The following FRRS1L variants were observed in gnomAD, a reference collection of about 807,000 sequenced individuals.
FRRS1L encodes DOMON domain-containing protein FRRS1L.
FRRS1L carries 22 observed loss-of-function variants against 28.6 expected under a neutral mutation model. The observed-to-expected ratio is 0.77, with a 90% CI of 0.55 to 1.10. The LOEUF is 1.10. Ranked by LOEUF, FRRS1L falls within the 50% of genes least tolerant of loss-of-function variation. The pLI is 0.00. For synonymous variants in FRRS1L, 158 were observed against 151.4 expected (o/e 1.04, Z -0.32); for missense variants, 380 against 386.9 (o/e 0.98, Z 0.15).
chr9:109,137,233 G>A lies in FRRS1L; in HGVS notation c.*222C>T, dbSNP rs1319082415. On this transcript the variant is annotated 3_prime_UTR_variant, in exon 5 of 5. Coordinates refer to ENST00000561981, the MANE Select transcript of FRRS1L (RefSeq NM_014334.4). ...GTTAAATAAGAAAACATATGTGAAAGTGCTTAGAAAAGGTGTAAGTATGTT... is the reference window on the plus strand; with the variant it reads ...GTTAAATAAGAAAACATATGTGAAAATGCTTAGAAAAGGTGTAAGTATGTT... The A allele has an allele frequency of 3.4e-6, 1 of 297,570 alleles. No homozygotes were observed. Among genetic ancestry groups the A allele is most frequent in the Non-Finnish European group, 6.1e-6 (1 of 163,548 alleles). 18.4% of individuals were successfully genotyped at this position (297,570 alleles called of 1,614,324 possible).
At chr9:109,149,589 T>C (rs774709467) in intron 2 of FRRS1L, 47 bp downstream of exon 2, 2 of 1,259,164 alleles carry the variant, frequency 1.6e-6, no homozygotes, top group East Asian at 2.3e-5. Context: ...CCCTGAGAAG[T>C]AAATCAGTCT....
intron 1 of FRRS1L, among the ~76,000 whole-genome samples, chr9:109,153,535 T>C (rs1831363479): frequency 6.6e-6 from 1 of 152,206 alleles, no homozygotes; most frequent in Admixed American, 6.5e-5. Flanking sequence ...TTGTATCCTT[T>C]ATAATAAAAC....
rs1831107999 is a variant in FRRS1L at position 109,136,126 on chromosome 9, G to A, written c.*1329C>T. 1 of 151,956 alleles carries A rather than the reference G, an allele frequency of 6.6e-6. No individual in the cohort carries two copies. Among genetic ancestry groups the A allele is most frequent in the Non-Finnish European group, 1.5e-5 (1 of 68,058 alleles). 9.4% of individuals were successfully genotyped at this position (151,956 alleles called of 1,614,324 possible). ...ACATGCCTGTAATCCCATCTACTCAGGAGGCTGAGGCAGGAGAATCACTTG... is the reference window on the plus strand; with the variant it reads ...ACATGCCTGTAATCCCATCTACTCAAGAGGCTGAGGCAGGAGAATCACTTG... On this transcript the variant is annotated 3_prime_UTR_variant, in exon 5 of 5. Transcript: ENST00000561981.
At position 109,137,526 on chromosome 9, in the gene FRRS1L, T is replaced by C; in HGVS notation, c.811A>G (p.Thr271Ala). 6.2e-7 allele frequency: 1 copy of C among 1,613,282 alleles called. No individual in the cohort carries two copies. The highest frequency in any genetic ancestry group is 1.3e-5 in the African/African-American group (1 of 74,956). Residue 271 changes from threonine (T) to alanine (A), a missense_variant, in exon 5 of 5, where the codon ACC becomes GCC. Transcript: ENST00000561981. ...AGCAAACAAAATGGAGATGAGAAGG[T>C]TTGATAGGCAGCTGATGGCATAAAA... ...DIFMPSAAYQ[T>A]FSSPFCLLLI...
At chr9:109,144,270 A>C (rs1003838078) in intron 3 of FRRS1L, among the ~76,000 whole-genome samples, 1 of 152,166 alleles carries the variant, frequency 6.6e-6, no homozygotes, top group African/African-American at 2.4e-5. Flanking sequence ...TCCAAGAATA[A>C]AGCCACCAGA....
chr9:109,167,122 C>CG lies in FRRS1L; in HGVS notation c.16dup (p.Arg6ProfsTer99). 1 of 1,164,152 alleles carries CG rather than the reference C, an allele frequency of 8.6e-7. No individual in the cohort carries two copies. Among genetic ancestry groups the CG allele is most frequent in the South Asian group, 3.5e-5 (1 of 28,652 alleles). 72.1% of individuals were successfully genotyped at this position (1,164,152 alleles called of 1,614,324 possible). ...CGACGCCCAGACCCCCGGGTGCTGC[C>CG]GGGGCGGCCGCGCCATCCGTGCGCA... On this transcript the variant is annotated frameshift_variant, in exon 1 of 5. Coordinates refer to ENST00000561981, the MANE Select transcript of FRRS1L (RefSeq NM_014334.4). LOFTEE classifies it high-confidence loss of function.
At chr9:109,142,728 G>A (rs529070014) in intron 3 of FRRS1L, among the ~76,000 whole-genome samples, 27 of 152,036 alleles carry the variant, frequency 1.8e-4, no homozygotes, top group African/African-American at 5.3e-4. Flanking sequence ...TAGGAGGATC[G>A]CTGGGGAGGT....
rs1361615754 is a variant in FRRS1L, at chr9:109,136,561, C to T, written c.*894G>A. On this transcript the variant is annotated 3_prime_UTR_variant, in exon 5 of 5. Transcript: ENST00000561981. The stretch of plus-strand genomic sequence containing the variant: ...TTTGAGACAGAGTCTGGCTCTGTCA[C>T]CTAGGCTGGAGTGCACTGGCACAAT... 6.6e-6 allele frequency: 1 copy of T among 152,126 alleles called. No homozygotes were observed. The highest frequency in any genetic ancestry group is 2.4e-5 in the African/African-American group (1 of 41,426). 9.4% of individuals were successfully genotyped at this position (152,126 alleles called of 1,614,324 possible).
chr9:109,157,558 TA>T (rs1831426968), intron 1 of FRRS1L, among the ~76,000 whole-genome samples: 1 of 152,102 alleles, frequency 6.6e-6, no homozygotes, highest in Non-Finnish European at 1.5e-5. Context: ...GGCTAATTTT[TA>T]AATTTTTTTG....
intron 2 of FRRS1L, chr9:109,147,656 A>G (rs927588505): frequency 2.0e-5 from 3 of 152,902 alleles, no homozygotes; most frequent in Admixed American, 2.0e-4. Flanking sequence ...TAATCAAACT[A>G]ACACAAATTT....
rs1277326106 is a variant in FRRS1L at position 109,136,279 on chromosome 9, G to A, written c.*1176C>T. On this transcript the variant is annotated 3_prime_UTR_variant, in exon 5 of 5. Coordinates refer to ENST00000561981, the MANE Select transcript of FRRS1L (RefSeq NM_014334.4). ...TTTTAATCACACTTAAGGTATGCTG[G>A]CTCTGACAAGAGAATTCACTGTAAC... 1.3e-5 allele frequency: 2 copies of A among 150,858 alleles called. No homozygotes were observed. Among genetic ancestry groups the A allele is most frequent in the Non-Finnish European group, 2.9e-5 (2 of 67,862 alleles). 9.3% of individuals were successfully genotyped at this position (150,858 alleles called of 1,614,324 possible).
intron 1 of FRRS1L, among the ~76,000 whole-genome samples, chr9:109,153,618 T>G (rs1182132204): frequency 6.6e-6 from 1 of 152,106 alleles, no homozygotes; most frequent in Non-Finnish European, 1.5e-5. Flanking sequence ...GAAGCTGAAG[T>G]GGGAAGCTTC....
At chr9:109,147,380 CA>C in intron 2 of FRRS1L, 191 bp from the exon 3 acceptor site, 1 of 562,918 alleles carries the variant, frequency 1.8e-6, no homozygotes, top group Non-Finnish European at 3.1e-6. Flanking sequence ...CCACTTTGTA[CA>C]CAAGAACTGC....
Position 109,166,930 on chromosome 9 carries a change from A to T in FRRS1L, c.209T>A (p.Phe70Tyr). ...DSSYGTFAGE[F>Y]YDLRYLSEEG... ...CTCCGACAGGTAGCGCAGGTCGTAG[A>T]ACTCCCCCGCGAAGGTGCCGTAGGA... The change falls in exon 1 of 5, where the codon TTC becomes TAC. Residue 70 changes from phenylalanine (F) to tyrosine (Y), a missense_variant. Transcript: ENST00000561981. 1 of 1,371,244 alleles carries T rather than the reference A, an allele frequency of 7.3e-7. No individual in the cohort carries two copies. Among genetic ancestry groups the T allele is most frequent in the Non-Finnish European group, 9.5e-7 (1 of 1,053,456 alleles). The allele number at this position is 1,371,244 out of a possible 1,614,324, so 84.9% of individuals were successfully genotyped here. A position where few individuals can be genotyped will look rare whatever the true frequency, so the allele number is the denominator to read the frequency against.
At chr9:109,143,989 C>A (rs533543460) in intron 3 of FRRS1L, among the ~76,000 whole-genome samples, 5 of 152,086 alleles carry the variant, frequency 3.3e-5, no homozygotes, top group South Asian at 2.1e-4. Flanking sequence ...CCTTTAGATA[C>A]CAAAATATCA....
chr9:109,153,413 C>T (rs1290854554), intron 1 of FRRS1L, among the ~76,000 whole-genome samples: 1 of 152,128 alleles, frequency 6.6e-6, no homozygotes, highest in Non-Finnish European at 1.5e-5. Flanking sequence ...TTGAACACAT[C>T]GATGTGCTGG....
At chr9:109,140,955 A>C (rs1831176845) in intron 4 of FRRS1L, 1 of 203,308 alleles carries the variant, frequency 4.9e-6, no homozygotes, top group Non-Finnish European at 1.0e-5. Flanking sequence ...AGCCTTGACC[A>C]AGTTTCTTAA....
chr9:109,144,770 G>C (rs1387575762), intron 3 of FRRS1L, among the ~76,000 whole-genome samples: 1 of 151,620 alleles, frequency 6.6e-6, no homozygotes, highest in Non-Finnish European at 1.5e-5. Context: ...TGCAACCTCC[G>C]CCTCCTGGGT....
At chr9:109,142,759 T>C (rs1301699059) in intron 3 of FRRS1L, among the ~76,000 whole-genome samples, 1 of 151,794 alleles carries the variant, frequency 6.6e-6, no homozygotes, top group African/African-American at 2.4e-5. Flanking sequence ...GTGAGTCTTG[T>C]TTGTGCCACT....
Sources: gnomAD v4.1 joint callset for allele counts (sites outside exome capture counted in the v4.1 genomes callset) on GRCh38, gnomAD v4.1.1 for gene constraint, MANE v1.5 for transcripts, NCBI Gene and HGNC (gene_info 2026-07-23, HGNC 2026-07-21) for gene names.